The following MALL variants were observed in gnomAD, a reference collection of about 807,000 sequenced individuals.
The protein encoded by MALL is MAL-like protein.
MALL carries 2 observed loss-of-function variants against 10.3 expected under a neutral mutation model. That is an observed-to-expected ratio of 0.19 (90% CI 0.08 to 0.61). The LOEUF (loss-of-function observed/expected upper bound fraction) is 0.61, where lower values mean the gene tolerates loss of function less well. Among genes scored for constraint, MALL ranks in the 20% least tolerant of loss-of-function variants. The pLI is 0.88. For missense variants in MALL, 39 were observed against 115.2 expected (o/e 0.34, Z 3.03); for synonymous variants, 27 against 51.8 (o/e 0.52, Z 2.05).
intron 1 of MALL, among the ~76,000 whole-genome samples, chr2:110,096,950 G>A (rs774303868): frequency 6.6e-6 from 1 of 152,066 alleles, no homozygotes; most frequent in African/African-American, 2.4e-5. Flanking sequence ...ATGCATGTGA[G>A]CAAAATGACA....
In MALL at chr2:110,104,472, C is replaced by T. The variant is rs1020675031; in HGVS notation, c.105+11216G>A. 3.4e-4 allele frequency among the ~76,000 whole-genome samples: 52 copies of T among 152,154 alleles called. 1 individual carries two copies. The highest frequency in any genetic ancestry group is 1.1e-3 in the African/African-American group (45 of 41,444). On this transcript the variant is annotated intron_variant, in intron 1 of 3. Coordinates refer to ENST00000272462, the MANE Select transcript of MALL (RefSeq NM_005434.5). The stretch of plus-strand genomic sequence containing the variant: ...CATGTCTGTCTTGTTTATTTTGTAT[C>T]GCCAGTGCTTGGCAGAGAGAGAGTA...
intron 1 of MALL, among the ~76,000 whole-genome samples, chr2:110,096,795 C>A (rs1486563723): frequency 6.6e-6 from 1 of 151,870 alleles, no homozygotes; most frequent in South Asian, 2.1e-4. Context: ...CCGTCTGCAA[C>A]CTCCCAGTTG....
chr2:110,112,546 C>T (rs1372747566), intron 1 of MALL, among the ~76,000 whole-genome samples: 2 of 151,924 alleles, frequency 1.3e-5, no homozygotes, highest in Non-Finnish European at 2.9e-5. Flanking sequence ...CACCTTACTC[C>T]TGCAAGAATG....
At chr2:110,111,532 T>G (rs1678800692) in intron 1 of MALL, among the ~76,000 whole-genome samples, 1 of 151,998 alleles carries the variant, frequency 6.6e-6, no homozygotes. Context: ...ACAAAGGAGT[T>G]GAAAGACCTC....
chr2:110,098,614 G>A (rs1034863146), intron 1 of MALL, among the ~76,000 whole-genome samples: 12 of 152,134 alleles, frequency 7.9e-5, no homozygotes, highest in African/African-American at 2.9e-4. Flanking sequence ...CCACTCATTT[G>A]CTTATACGCA....
intron 1 of MALL, among the ~76,000 whole-genome samples, chr2:110,095,472 G>A (rs1374698353): frequency 1.3e-5 from 2 of 152,002 alleles, no homozygotes; most frequent in Non-Finnish European, 2.9e-5. Flanking sequence ...ACGTCTTAAG[G>A]AAAGATGGAG....
intron 1 of MALL, among the ~76,000 whole-genome samples, chr2:110,104,235 CTTA>C (rs1020286135): frequency 1.5e-4 from 23 of 152,148 alleles, no homozygotes; most frequent in African/African-American, 5.6e-4. Context: ...ACTGTGAGCA[CTTA>C]TTATTCTCTG....
intron 1 of MALL, among the ~76,000 whole-genome samples, chr2:110,102,517 A>T (rs1312974558): frequency 6.6e-6 from 1 of 152,152 alleles, no homozygotes; most frequent in Non-Finnish European, 1.5e-5. Flanking sequence ...TTGAGAAAGG[A>T]GGAGGGGGTT....
intron 1 of MALL, among the ~76,000 whole-genome samples, chr2:110,099,862 C>T (rs182942254): frequency 7.9e-5 from 12 of 152,226 alleles, no homozygotes; most frequent in South Asian, 4.1e-4. Flanking sequence ...ATGACACGAC[C>T]GAGCTGCTGA....
At chr2:110,095,287 C>T (rs969494682) in intron 1 of MALL, among the ~76,000 whole-genome samples, 7 of 152,094 alleles carry the variant, frequency 4.6e-5, no homozygotes, top group African/African-American at 9.7e-5. Context: ...TTCCTCAGAG[C>T]GGGAGATATT....
Position 110,097,419 on chromosome 2 carries a change from G to T in MALL, c.106-5649C>A, listed in dbSNP as rs1181053062. On this transcript the variant is annotated intron_variant, in intron 1 of 3. Transcript: ENST00000272462. Reference sequence around the variant, plus strand: ...AAATTTAAAAAGAAAAGAAAGTCGCGTGGGCACTGGAGTCTCACGGAGAAT... The same window carrying T: ...AAATTTAAAAAGAAAAGAAAGTCGCTTGGGCACTGGAGTCTCACGGAGAAT... 6 of 451,864 alleles carry T rather than the reference G, an allele frequency of 1.3e-5. No individual in the cohort carries two copies. The Admixed American group carries it at 1.4e-4, about 11-fold the overall frequency. 28.0% of individuals were successfully genotyped at this position (451,864 alleles called of 1,614,324 possible).
chr2:110,102,361 T>C (rs1323341712), intron 1 of MALL, among the ~76,000 whole-genome samples: 3 of 53,216 alleles, frequency 5.6e-5, no homozygotes, highest in Non-Finnish European at 3.2e-4. Flanking sequence ...CACTCTCCAC[T>C]GTCATTGTCT....
chr2:110,100,020 C>T (rs1476968779), intron 1 of MALL, among the ~76,000 whole-genome samples: 1 of 152,096 alleles, frequency 6.6e-6, no homozygotes, highest in Non-Finnish European at 1.5e-5. Flanking sequence ...TTCAAACACT[C>T]CACTGCCTCA....
intron 1 of MALL, chr2:110,097,522 C>T (rs1460467998): frequency 2.2e-6 from 1 of 456,504 alleles, no homozygotes; most frequent in African/African-American, 2.0e-5. Context: ...CTGGAAGCCC[C>T]TCATGGGTGG....
At chr2:110,106,302 G>A (rs1325043311) in intron 1 of MALL, among the ~76,000 whole-genome samples, 1 of 152,094 alleles carries the variant, frequency 6.6e-6, no homozygotes, top group Non-Finnish European at 1.5e-5. Context: ...AAGCTGATGA[G>A]TCACCTCGTA....
chr2:110,102,342 C>G (rs1678588851), intron 1 of MALL, among the ~76,000 whole-genome samples: 1 of 142,220 alleles, frequency 7.0e-6, no homozygotes, highest in Non-Finnish European at 1.6e-5. Flanking sequence ...AGCATACCTC[C>G]CCTAGGATCA....
At chr2:110,095,680 C>A (rs13388539) in intron 1 of MALL, among the ~76,000 whole-genome samples, 1 of 150,312 alleles carries the variant, frequency 6.7e-6, no homozygotes, top group Non-Finnish European at 1.5e-5. Context: ...AATCTAATCG[C>A]GTCATCATTT....
intron 1 of MALL, among the ~76,000 whole-genome samples, chr2:110,104,720 T>C (rs1574034479): frequency 6.6e-6 from 1 of 152,202 alleles, no homozygotes; most frequent in Non-Finnish European, 1.5e-5. Context: ...GCTGTGGCTG[T>C]GCAGCCCCTG....
chr2:110,103,821 G>A (rs1313061016), intron 1 of MALL, among the ~76,000 whole-genome samples: 3 of 152,160 alleles, frequency 2.0e-5, no homozygotes, highest in Non-Finnish European at 2.9e-5. Flanking sequence ...CCTGCTGGAC[G>A]GCCAGGGAAA....
Sources: gnomAD v4.1 joint callset for allele counts (sites outside exome capture counted in the v4.1 genomes callset) on GRCh38, gnomAD v4.1.1 for gene constraint, MANE v1.5 for transcripts, NCBI Gene and HGNC (gene_info 2026-07-23, HGNC 2026-07-21) for gene names.